Variants in SCAND3 observed in about 807,000 individuals in gnomAD.
The protein encoded by SCAND3 is SCAN domain-containing protein 3.
the SCAND3 span, among the ~76,000 whole-genome samples, chr6:28,574,330 A>G: frequency 4.7e-4 from 71 of 152,172 alleles, no homozygotes; most frequent in African/African-American, 1.5e-3. Context: ...CAAAACATTA[A>G]CCCTACTTCA....
chr6:28,593,897 G>A, the SCAND3 span, among the ~76,000 whole-genome samples: 2,906 of 152,026 alleles, frequency 0.019, 40 homozygotes, highest in African/African-American at 0.038. Flanking sequence ...TAGAGATGGT[G>A]GTCTCCTTAT....
At chr6:28,610,805 G>C in the SCAND3 span, among the ~76,000 whole-genome samples, 5 of 152,090 alleles carry the variant, frequency 3.3e-5, no homozygotes, top group African/African-American at 1.2e-4. Flanking sequence ...CACCAACTCA[G>C]TCTGTTAGAA....
chr6:28,590,709 T>C, the SCAND3 span: 4 of 152,224 alleles, frequency 2.6e-5, no homozygotes, highest in East Asian at 7.7e-4. Context: ...CCAAATCGAA[T>C]CCTACTTTCA....
the SCAND3 span, among the ~76,000 whole-genome samples, chr6:28,600,543 G>A: frequency 1.4e-4 from 21 of 152,272 alleles, no homozygotes; most frequent in African/African-American, 5.1e-4. Flanking sequence ...TGAGGTGAGA[G>A]GCCTGTTTGA....
At chr6:28,602,955 AATTTTTTT>A in the SCAND3 span, among the ~76,000 whole-genome samples, 1 of 139,434 alleles carries the variant, frequency 7.2e-6, no homozygotes, top group African/African-American at 3.0e-5. Context: ...ACCAAAAAAA[AATTTTTTT>A]TTTTTTTTTT....
the SCAND3 span, chr6:28,574,955 C>G: frequency 3.7e-6 from 6 of 1,613,702 alleles, no homozygotes; most frequent in Non-Finnish European, 4.2e-6. Flanking sequence ...TTAGGAGTGA[C>G]AGAAAGATTC....
chr6:28,606,820 A>C, the SCAND3 span, among the ~76,000 whole-genome samples: 39 of 152,166 alleles, frequency 2.6e-4, no homozygotes, highest in Non-Finnish European at 4.9e-4. Context: ...GTAGGCGAGG[A>C]TCCCCTTTGA....
At chr6:28,609,046 T>G in the SCAND3 span, among the ~76,000 whole-genome samples, 1 of 152,172 alleles carries the variant, frequency 6.6e-6, no homozygotes, top group East Asian at 1.9e-4. Context: ...GTATTCCCAT[T>G]TAAGTCTATT....
At chr6:28,604,559 C>T in the SCAND3 span, among the ~76,000 whole-genome samples, 2 of 149,530 alleles carry the variant, frequency 1.3e-5, no homozygotes, top group African/African-American at 4.9e-5. Context: ...GAGGTTGCAG[C>T]GAGTCGAGAT....
At chr6:28,587,102 C>G in the SCAND3 span, 2 of 193,284 alleles carry the variant, frequency 1.0e-5, no homozygotes, top group South Asian at 2.5e-4. Flanking sequence ...ATCGGAGCAG[C>G]CTGGGCGAGG....
At chr6:28,572,371 T>C in the SCAND3 span, 3 of 1,611,744 alleles carry the variant, frequency 1.9e-6, no homozygotes, top group Non-Finnish European at 1.7e-6. The surrounding 1 kb of genome is among the most constrained non-coding windows in gnomAD (Gnocchi z 4.1). Flanking sequence ...TTTTCGCAGA[T>C]GTGCAATATC....
chr6:28,580,703 T>C, the SCAND3 span, among the ~76,000 whole-genome samples: 1 of 152,206 alleles, frequency 6.6e-6, no homozygotes, highest in African/African-American at 2.4e-5. Context: ...AATTCTGTAA[T>C]GTTAGTATAC....
the SCAND3 span, among the ~76,000 whole-genome samples, chr6:28,598,324 A>G: frequency 6.6e-6 from 1 of 152,292 alleles, no homozygotes; most frequent in African/African-American, 2.4e-5. Flanking sequence ...TTTGGTGGAA[A>G]ATATTGGAGA....
the SCAND3 span, among the ~76,000 whole-genome samples, chr6:28,608,292 A>G: frequency 2.0e-5 from 3 of 152,198 alleles, no homozygotes; most frequent in Admixed American, 2.0e-4. Context: ...ATTGTATTCT[A>G]TAAATAGTGT....
chr6:28,596,886 A>G, the SCAND3 span, among the ~76,000 whole-genome samples: 5 of 152,228 alleles, frequency 3.3e-5, no homozygotes, highest in Non-Finnish European at 5.9e-5. Flanking sequence ...TAAGGTTAAA[A>G]TTAGGCTGAA....
At chr6:28,572,204 TCAA>T in the SCAND3 span, 5 of 1,614,070 alleles carry the variant, frequency 3.1e-6, no homozygotes, top group Non-Finnish European at 4.2e-6. This position sits in a 1 kb window ranked among gnomAD's most constrained non-coding sequence, Gnocchi z 4.1. Flanking sequence ...GTAGCCAGCT[TCAA>T]CAACTTATCC....
chr6:28,589,852 G>GTTTTTTTTTT, the SCAND3 span: 2 of 117,664 alleles, frequency 1.7e-5, no homozygotes, highest in Admixed American at 1.8e-4. Context: ...TTGTTTTTTT[G>GTTTTTTTTTT]TTTGTTTTTT....
chr6:28,584,214 T>G, the SCAND3 span, among the ~76,000 whole-genome samples: 4 of 152,124 alleles, frequency 2.6e-5, no homozygotes, highest in Admixed American at 2.6e-4. Flanking sequence ...AATCACACCA[T>G]GATTAAGGGG....
chr6:28,588,273 C>T, the SCAND3 span, among the ~76,000 whole-genome samples: 4 of 152,322 alleles, frequency 2.6e-5, no homozygotes, highest in East Asian at 7.7e-4. This position sits in a 1 kb window ranked among gnomAD's most constrained non-coding sequence, Gnocchi z 4.1. Context: ...TTGTTTCCCC[C>T]CCTAACTATC....
Sources: gnomAD v4.1 joint callset for allele counts (sites outside exome capture counted in the v4.1 genomes callset) on GRCh38, gnomAD v4.1.1 for gene constraint, Gnocchi (gnomAD v3.1) non-coding constraint, MANE v1.5 for transcripts, NCBI Gene and HGNC (gene_info 2026-07-23, HGNC 2026-07-21) for gene names.